Variants in OTOGL observed in about 807,000 individuals in gnomAD.
OTOGL encodes otogelin like, also known as otogelin-like protein.
OTOGL carries 285 observed loss-of-function variants against 318.5 expected under a neutral mutation model. The observed-to-expected ratio is 0.89, with a 90% confidence interval of 0.81 to 0.99. The LOEUF (loss-of-function observed/expected upper bound fraction) is 0.99, where lower values mean the gene tolerates loss of function less well. Ranked by LOEUF, OTOGL falls within the 50% of genes least tolerant of loss-of-function variation. OTOGL has a pLI of 0.00. For synonymous variants in OTOGL, 987 were observed against 936.5 expected, an observed-to-expected ratio of 1.05 and a Z score of -0.99; for missense variants, 2,899 against 2,845.6, an observed-to-expected ratio of 1.02 and a Z score of -0.43.
chr12:80,278,199 C>T lies in OTOGL; in HGVS notation c.2713C>T (p.Pro905Ser), dbSNP rs1333175058. ...MAEHRGKCYV[P>S]ESCPCIWKDW... ...AGAGCACAGAGGAAAGTGTTATGTT[C>T]CTGAAAGCTGCCCATGTATTTGGAA... The change falls in exon 25 of 59, where the codon CCT becomes TCT. Residue 905 changes from proline (P) to serine (S), a missense_variant. Physicochemically the swap from Pro to Ser is moderately conservative, Grantham distance 74. Transcript: ENST00000547103. 10 of 1,546,786 alleles carry T rather than the reference C, an allele frequency of 6.5e-6. No individual in the cohort carries two copies. The South Asian group carries it at 1.1e-4, about 17-fold the overall frequency.
chr12:80,106,952 T>C (rs1416689724), intron 1 of OTOGL, among the ~76,000 whole-genome samples: 4 of 152,108 alleles, frequency 2.6e-5, no homozygotes, highest in Admixed American at 1.3e-4. Context: ...AATTACCAAT[T>C]TGACAAATTT....
intron 19 of OTOGL, among the ~76,000 whole-genome samples, chr12:80,262,853 A>T (rs779098340): frequency 6.6e-6 from 1 of 152,290 alleles, no homozygotes; most frequent in Admixed American, 6.5e-5. Context: ...AAATATTCTT[A>T]TAAGTTTATT....
intron 1 of OTOGL, among the ~76,000 whole-genome samples, chr12:80,108,844 A>ATT (rs1869636010): frequency 1.3e-5 from 1 of 74,694 alleles, no homozygotes. Flanking sequence ...TTGTATATAT[A>ATT]TGTGTATATA....
chr12:80,230,597 A>G (rs772731983), intron 8 of OTOGL, among the ~76,000 whole-genome samples: 9 of 152,206 alleles, frequency 5.9e-5, no homozygotes, highest in Non-Finnish European at 1.3e-4. Flanking sequence ...TTTAATTTTA[A>G]CTCAGAGAAA....
At chr12:80,188,395 G>A (rs1299735422) in intron 1 of OTOGL, among the ~76,000 whole-genome samples, 2 of 151,698 alleles carry the variant, frequency 1.3e-5, no homozygotes, top group Admixed American at 6.6e-5. Context: ...AAAATTAGCC[G>A]GGTGTGGTGG....
chr12:80,239,674 G>A (rs181756733), intron 11 of OTOGL, among the ~76,000 whole-genome samples: 10 of 152,074 alleles, frequency 6.6e-5, no homozygotes, highest in Admixed American at 2.6e-4. Context: ...TAATACATTC[G>A]TGTAATCAAA....
intron 1 of OTOGL, among the ~76,000 whole-genome samples, chr12:80,138,496 G>A (rs1054104721): frequency 6.6e-6 from 1 of 152,082 alleles, no homozygotes; most frequent in African/African-American, 2.4e-5. Flanking sequence ...GAGAACATGT[G>A]TTCTCCAGGT....
At chr12:80,224,431 G>GT (rs1565910148) in intron 7 of OTOGL, among the ~76,000 whole-genome samples, 2 of 151,998 alleles carry the variant, frequency 1.3e-5, no homozygotes, top group South Asian at 2.1e-4. Context: ...TTTTATGATT[G>GT]TTTTTTCTAG....
intron 8 of OTOGL, among the ~76,000 whole-genome samples, chr12:80,231,692 C>A (rs752692830): frequency 6.6e-6 from 1 of 151,764 alleles, no homozygotes; most frequent in East Asian, 1.9e-4. Context: ...TGGAGTGCAG[C>A]GACATGATTT....
At chr12:80,149,186 T>A (rs1176518862) in intron 1 of OTOGL, among the ~76,000 whole-genome samples, 4 of 152,268 alleles carry the variant, frequency 2.6e-5, no homozygotes, top group Non-Finnish European at 5.9e-5. Flanking sequence ...TTTGTGGTTT[T>A]ATCTACTTTT....
Position 80,209,525 on chromosome 12 carries a change from T to C in OTOGL, c.79+15T>C. 2.1e-6 allele frequency: 3 copies of C among 1,399,910 alleles called. No homozygotes were observed. Among genetic ancestry groups the C allele is most frequent in the Non-Finnish European group, 2.9e-6 (3 of 1,031,572 alleles). The allele number at this position is 1,399,910 out of a possible 1,614,324, so 86.7% of individuals were successfully genotyped here. On this transcript the variant is annotated intron_variant, in intron 2 of 58. Transcript: ENST00000547103. ...TTCATTACAAGGTAAGAACTCAGAT[T>C]AAATTTTTATGTTAATTTATTGTAT... is the stretch of plus-strand genomic sequence containing the variant.
chr12:80,317,499 A>G (rs937228343), intron 32 of OTOGL, among the ~76,000 whole-genome samples: 1 of 152,070 alleles, frequency 6.6e-6, no homozygotes, highest in Non-Finnish European at 1.5e-5. Flanking sequence ...CTCCTTTCTC[A>G]TTCTTATGTT....
chr12:80,329,782 C>G (rs527402576), intron 37 of OTOGL, among the ~76,000 whole-genome samples: 20 of 152,296 alleles, frequency 1.3e-4, no homozygotes, highest in Non-Finnish European at 2.5e-4. Flanking sequence ...ATTTATTTGA[C>G]AAGCTTTAAT....
chr12:80,193,619 C>T (rs971372881), intron 1 of OTOGL, among the ~76,000 whole-genome samples: 2 of 152,144 alleles, frequency 1.3e-5, no homozygotes, highest in East Asian at 3.9e-4. Flanking sequence ...AACTTATCCT[C>T]ATATATGCTG....
intron 1 of OTOGL, among the ~76,000 whole-genome samples, chr12:80,107,046 A>G (rs1015484222): frequency 6.6e-6 from 1 of 152,162 alleles, no homozygotes; most frequent in Non-Finnish European, 1.5e-5. Context: ...AGAATGATTT[A>G]TCATCTGCCT....
intron 42 of OTOGL, among the ~76,000 whole-genome samples, chr12:80,337,322 G>T (rs1025367307): frequency 6.6e-6 from 1 of 151,896 alleles, no homozygotes; most frequent in African/African-American, 2.4e-5. Flanking sequence ...AGACAGAGTG[G>T]AAATGCTATG....
At chr12:80,287,110 T>C (rs1884692084) in intron 26 of OTOGL, among the ~76,000 whole-genome samples, 1 of 150,916 alleles carries the variant, frequency 6.6e-6, no homozygotes, top group Non-Finnish European at 1.5e-5. Context: ...TTGTTCTCAC[T>C]GGTTTCAAAG....
intron 1 of OTOGL, among the ~76,000 whole-genome samples, chr12:80,202,865 A>T (rs1876555827): frequency 6.6e-6 from 1 of 152,150 alleles, no homozygotes; most frequent in Non-Finnish European, 1.5e-5. Context: ...TCTGCAGAAT[A>T]GCTCTTTTTT....
chr12:80,221,188 G>A (rs1318893318), intron 6 of OTOGL, among the ~76,000 whole-genome samples: 3 of 151,340 alleles, frequency 2.0e-5, no homozygotes, highest in Admixed American at 6.6e-5. Flanking sequence ...GACAATAGGA[G>A]ATACAGTTGC....
Sources: gnomAD v4.1 joint callset for allele counts (sites outside exome capture counted in the v4.1 genomes callset) on GRCh38, gnomAD v4.1.1 for gene constraint, MANE v1.5 for transcripts, NCBI Gene and HGNC (gene_info 2026-07-23, HGNC 2026-07-21) for gene names.